Variants in HSF1 observed in about 807,000 individuals in gnomAD.
HSF1 encodes the protein heat shock transcription factor 1, also known as heat shock factor protein 1.
In HSF1, 32 loss-of-function variants were observed where a neutral mutation model predicts 51.7. The observed-to-expected ratio is 0.62, with a 90% CI of 0.47 to 0.83. The LOEUF (loss-of-function observed/expected upper bound fraction) is 0.83. HSF1 is among the 40% of genes least tolerant of loss of function. The pLI is 0.00. For missense variants in HSF1, 727 were observed against 717.0 expected (o/e 1.01, Z -0.16); for synonymous variants, 396 against 309.7 (o/e 1.28, Z -2.92).
rs979886814 is a variant in HSF1 at position 144,314,463 on chromosome 8, C to T, written c.*133C>T. Reference sequence around the variant, plus strand: ...ATAGCCCCAGTAGGACAAACGGGCTCGGGTCTGGGCAGCACCTCTGGTCAG... The same window carrying T: ...ATAGCCCCAGTAGGACAAACGGGCTTGGGTCTGGGCAGCACCTCTGGTCAG... On this transcript the variant is annotated 3_prime_UTR_variant, in exon 13 of 13. Transcript: ENST00000528838. 5 of 723,150 alleles carry T rather than the reference C, an allele frequency of 6.9e-6. No homozygotes were observed. Among genetic ancestry groups the T allele is most frequent in the East Asian group, 2.7e-5 (1 of 36,698 alleles). The allele number at this position is 723,150 out of a possible 1,614,324, so 44.8% of individuals were successfully genotyped here. A position where few individuals can be genotyped will look rare whatever the true frequency, so the allele number is the denominator to read the frequency against.
At position 144,312,127 on chromosome 8, in the gene HSF1, C is replaced by T. The variant is rs782087689; in HGVS notation, c.1025C>T (p.Pro342Leu). Residue 342 changes from proline to leucine, a missense_variant, in exon 9 of 13, where the codon CCC (proline) becomes CTC (leucine). Transcript: ENST00000528838. ...DSILRESEPA[P>L]ASVTALTDAR... Reference sequence around the variant, plus strand: ...ATCCTGCGGGAGAGTGAACCTGCCCCCGCCTCCGTCACAGCCCTCACGGAC... The same window carrying T: ...ATCCTGCGGGAGAGTGAACCTGCCCTCGCCTCCGTCACAGCCCTCACGGAC... 4.3e-6 allele frequency: 7 copies of T among 1,612,236 alleles called. No individual in the cohort carries two copies. In the South Asian group the frequency reaches 7.7e-5, roughly 18 times the overall value.
At chr8:144,306,652 C>T (rs374150271) in intron 1 of HSF1, among the ~76,000 whole-genome samples, 16 of 152,304 alleles carry the variant, frequency 1.1e-4, no homozygotes, top group African/African-American at 2.9e-4. Context: ...CGTGAACCAG[C>T]GCAGCCGGCT....
intron 1 of HSF1, among the ~76,000 whole-genome samples, chr8:144,306,413 A>C (rs1252023092): frequency 6.6e-6 from 1 of 151,160 alleles, no homozygotes; most frequent in Non-Finnish European, 1.5e-5. Context: ...CCCAGGCTGG[A>C]GCGCAGTAGT....
rs781990611 is a variant in HSF1 at position 144,314,341 on chromosome 8, G to A, written c.*11G>A. 39 of 1,541,546 alleles carry A rather than the reference G, an allele frequency of 2.5e-5. No homozygotes were observed. Among genetic ancestry groups the A allele is most frequent in the Admixed American group, 3.9e-5 (2 of 50,820 alleles). Reference sequence around the variant, plus strand: ...CCCACTGTCTCCTAGAGGCCCCGGAGGAGCTGGGCCAGCCGCCCACCCCCA... The same window carrying A: ...CCCACTGTCTCCTAGAGGCCCCGGAAGAGCTGGGCCAGCCGCCCACCCCCA... On this transcript the variant is annotated 3_prime_UTR_variant, in exon 13 of 13. Coordinates refer to ENST00000528838, the MANE Select transcript of HSF1 (RefSeq NM_005526.4).
rs782572407 is a variant in HSF1 at position 144,297,202 on chromosome 8, T to A, written c.117+5328T>A. Among the ~76,000 whole-genome samples, 1 of 152,080 alleles carries A rather than the reference T, an allele frequency of 6.6e-6. No homozygotes were observed. Among genetic ancestry groups the A allele is most frequent in the African/African-American group, 2.4e-5 (1 of 41,414 alleles). On this transcript the variant is annotated intron_variant, in intron 1 of 12. Coordinates refer to ENST00000528838, the MANE Select transcript of HSF1 (RefSeq NM_005526.4). The surrounding 1 kb of genome is among the most constrained non-coding windows in gnomAD (Gnocchi z 4.6). ...AGCAAGCAGCTCCCATCGGGTATAT[T>A]GAGGGCTGTTGGCTCCAGGGTCTCC...
At chr8:144,295,570 T>C (rs1198282137) in intron 1 of HSF1, among the ~76,000 whole-genome samples, 3 of 152,242 alleles carry the variant, frequency 2.0e-5, no homozygotes, top group African/African-American at 7.2e-5. Context: ...CTTTTTGTTT[T>C]TTAGATAAGG....
chr8:144,306,753 G>A (rs966337553), intron 1 of HSF1, among the ~76,000 whole-genome samples: 2 of 152,210 alleles, frequency 1.3e-5, no homozygotes, highest in East Asian at 1.9e-4. Flanking sequence ...GCTGTTTGTC[G>A]TGGTTATCTG....
chr8:144,302,831 A>G (rs548310961), intron 1 of HSF1, among the ~76,000 whole-genome samples: 1 of 152,198 alleles, frequency 6.6e-6, no homozygotes, highest in Non-Finnish European at 1.5e-5. Context: ...GAAAAAACAT[A>G]CATTGAAAAA....
At position 144,311,307 on chromosome 8, in the gene HSF1, C is replaced by T. The variant is rs1554844317; in HGVS notation, c.565-14C>T. 1 of 1,613,788 alleles carries T rather than the reference C, an allele frequency of 6.2e-7. No individual in the cohort carries two copies. The stretch of plus-strand genomic sequence containing the variant: ...CCACAAGGGCCGGGGTAACTGTGTC[C>T]TCTCTCTCCACAGCTCATTCAGTTC... On this transcript the variant is annotated splice_polypyrimidine_tract_variant and intron_variant, in intron 5 of 12. Transcript: ENST00000528838.
chr8:144,311,225 C>G lies in HSF1; in HGVS notation c.540C>G (p.Ala180=). The G allele has an allele frequency of 1.2e-6, 2 of 1,612,318 alleles. No homozygotes were observed. The stretch of plus-strand genomic sequence containing the variant: ...TGGCCAGCCTTCGGCAGAAGCATGC[C>G]CAGCAACAGAAAGTCGTCAACAAGG... ...REVASLRQKH[A]QQQKVVNKLI... The change falls in exon 5 of 13, where the codon GCC becomes GCG. Residue 180 remains alanine (A), a synonymous_variant. Coordinates refer to ENST00000528838, the MANE Select transcript of HSF1 (RefSeq NM_005526.4).
At chr8:144,313,394 G>T (rs1354069245) in intron 9 of HSF1, 117 bp from the exon 10 acceptor site, 1 of 683,620 alleles carries the variant, frequency 1.5e-6, no homozygotes, top group South Asian at 1.7e-5. Context: ...AGCCTGTGCA[G>T]GCGTACACGG....
intron 1 of HSF1, among the ~76,000 whole-genome samples, chr8:144,302,661 T>C (rs1374811964): frequency 6.7e-6 from 1 of 149,658 alleles, no homozygotes; most frequent in African/African-American, 2.5e-5. Flanking sequence ...GACCCATCTC[T>C]ACAAAAAAAA....
At chr8:144,312,269 C>T (rs1564623765) in intron 9 of HSF1, 25 bp downstream of exon 9, 1 of 1,530,750 alleles carries the variant, frequency 6.5e-7, no homozygotes, top group East Asian at 2.3e-5. Context: ...CCCCTGGCCC[C>T]ACCCACAGCG....
intron 2 of HSF1, 38 bp downstream of exon 2, chr8:144,309,052 G>A: frequency 6.9e-7 from 1 of 1,453,146 alleles, no homozygotes; most frequent in Non-Finnish European, 9.7e-7. Context: ...GGTGCGGGAG[G>A]CAGACCTGCA....
intron 1 of HSF1, among the ~76,000 whole-genome samples, chr8:144,299,571 A>G (rs1162675063): frequency 6.6e-6 from 1 of 152,140 alleles, no homozygotes; most frequent in African/African-American, 2.4e-5. Flanking sequence ...CAAAGACAGT[A>G]AACAATTATA....
At position 144,314,321 on chromosome 8, in the gene HSF1, T is replaced by C. The variant is rs1325349823; in HGVS notation, c.1581T>C (p.Thr527=). 3.2e-6 allele frequency: 5 copies of C among 1,549,576 alleles called. No homozygotes were observed. Among genetic ancestry groups the C allele is most frequent in the Non-Finnish European group, 4.4e-6 (5 of 1,146,468 alleles). The change falls in exon 13 of 13, where the codon ACT becomes ACC. Residue 527 remains threonine (T), a synonymous_variant. Coordinates refer to ENST00000528838, the MANE Select transcript of HSF1 (RefSeq NM_005526.4). ...GSEPPKAKDP[T]VS ...AGCCTCCCAAAGCCAAGGACCCCAC[T>C]GTCTCCTAGAGGCCCCGGAGGAGCT...
At chr8:144,296,639 T>C (rs1554841338) in intron 1 of HSF1, among the ~76,000 whole-genome samples, 1 of 152,012 alleles carries the variant, frequency 6.6e-6, no homozygotes, top group African/African-American at 2.4e-5. Flanking sequence ...ACCCCGTCTA[T>C]ATTAAAAAAT....
chr8:144,298,833 G>C (rs141273462), intron 1 of HSF1, among the ~76,000 whole-genome samples: 3 of 152,226 alleles, frequency 2.0e-5, no homozygotes, highest in Non-Finnish European at 4.4e-5. Flanking sequence ...TTGCATCTTG[G>C]GTTGGATCCG....
At position 144,309,562 on chromosome 8, in the gene HSF1, C is replaced by G. The variant is rs1554843899; in HGVS notation, c.334C>G (p.Leu112Val). ...PCFLRGQEQL[L>V]ENIKRKVTSV... ...CTTCCTGCGTGGCCAGGAGCAGCTC[C>G]TTGAGAACATCAAGAGGAAAGTGAC... is the stretch of plus-strand genomic sequence containing the variant. The change falls in exon 3 of 13, where the codon CTT becomes GTT. Residue 112 changes from leucine (L) to valine (V), a missense_variant. Physicochemically the swap from Leu to Val is conservative, Grantham distance 32. Around this residue, in one of 2 missense-constraint regions of HSF1, gnomAD observed 257 missense variants for 318.3 expected, o/e 0.81. Transcript: ENST00000528838. The G allele has an allele frequency of 1.2e-6, 2 of 1,614,076 alleles. No homozygotes were observed. Among genetic ancestry groups the G allele is most frequent in the South Asian group, 2.2e-5 (2 of 91,092 alleles).
Sources: gnomAD v4.1 joint callset for allele counts (sites outside exome capture counted in the v4.1 genomes callset) on GRCh38, gnomAD v4.1.1 for gene constraint, gnomAD v4.1.1 regional missense constraint, Gnocchi (gnomAD v3.1) non-coding constraint, MANE v1.5 for transcripts, NCBI Gene and HGNC (gene_info 2026-07-23, HGNC 2026-07-21) for gene names.